The following HMG20A variants were observed in gnomAD, a reference collection of about 807,000 sequenced individuals.
HMG20A encodes the protein high mobility group 20A.
In HMG20A, 17 loss-of-function variants were observed where a neutral mutation model predicts 43.9. The ratio of observed to expected loss-of-function variants is 0.39; its 90% confidence interval spans 0.27 to 0.58. The LOEUF (loss-of-function observed/expected upper bound fraction) is 0.58, where lower values mean the gene tolerates loss of function less well. HMG20A is among the 20% of genes least tolerant of loss of function. The pLI is 0.59. For missense variants in HMG20A, 341 were observed against 438.2 expected (o/e 0.78, Z 1.98); for synonymous variants, 132 against 147.5 (o/e 0.89, Z 0.76).
At chr15:77,448,076 A>G (rs750826041) in intron 1 of HMG20A, among the ~76,000 whole-genome samples, 4 of 152,200 alleles carry the variant, frequency 2.6e-5, no homozygotes, top group Non-Finnish European at 4.4e-5. Context: ...TACCTTCAAA[A>G]TATATTAAGA....
At chr15:77,429,697 C>T (rs2073464460) in intron 1 of HMG20A, among the ~76,000 whole-genome samples, 2 of 152,078 alleles carry the variant, frequency 1.3e-5, no homozygotes, top group African/African-American at 4.8e-5. Context: ...AACTTGAAAC[C>T]TTCTAAATAT....
At chr15:77,479,368 A>G in intron 9 of HMG20A, 47 bp downstream of exon 9, 1 of 1,569,914 alleles carries the variant, frequency 6.4e-7, no homozygotes, top group Non-Finnish European at 8.7e-7. Flanking sequence ...ATCATCAAAA[A>G]TAAGATGTCA....
intron 1 of HMG20A, chr15:77,447,752 T>G (rs181889927): frequency 4.6e-5 from 7 of 152,320 alleles, no homozygotes; most frequent in African/African-American, 1.7e-4. Flanking sequence ...ACTGTAAAAT[T>G]CTATAAAGCA....
At chr15:77,500,646 G>C in the HMG20A span, among the ~76,000 whole-genome samples, 1 of 149,904 alleles carries the variant, frequency 6.7e-6, no homozygotes, top group South Asian at 2.1e-4. Flanking sequence ...TTGGCTCACT[G>C]CAACCTCCGC....
At chr15:77,475,957 C>T (rs1269559838) in intron 6 of HMG20A, among the ~76,000 whole-genome samples, 1 of 152,148 alleles carries the variant, frequency 6.6e-6, no homozygotes, top group East Asian at 1.9e-4. Flanking sequence ...ACTTTGCTTT[C>T]TTTTGTTAGG....
chr15:77,475,411 A>G (rs979424463), intron 6 of HMG20A, among the ~76,000 whole-genome samples: 1 of 152,234 alleles, frequency 6.6e-6, no homozygotes, highest in East Asian at 1.9e-4. Context: ...CTGCCCTTAC[A>G]TAATTAGCTT....
chr15:77,484,392 G>C lies in HMG20A; in HGVS notation c.*1429G>C, dbSNP rs1159724101. The C allele has an allele frequency of 6.6e-6, 1 of 152,572 alleles. No individual in the cohort carries two copies. Among genetic ancestry groups the C allele is most frequent in the Non-Finnish European group, 1.5e-5 (1 of 68,076 alleles). 9.5% of individuals were successfully genotyped at this position (152,572 alleles called of 1,614,324 possible). The stretch of plus-strand genomic sequence containing the variant: ...CTAAAGGTTACAGCTGAGATCTTTG[G>C]AACCAAAGGCAGAGCAAGCAGAGCC... On this transcript the variant is annotated 3_prime_UTR_variant, in exon 10 of 10. Transcript: ENST00000336216.
At chr15:77,479,904 A>T (rs1280552162) in intron 9 of HMG20A, among the ~76,000 whole-genome samples, 1 of 152,212 alleles carries the variant, frequency 6.6e-6, no homozygotes, top group African/African-American at 2.4e-5. Context: ...AAGCTTTTAT[A>T]TTCACCACTC....
the HMG20A span, among the ~76,000 whole-genome samples, chr15:77,507,945 G>T: frequency 2.1e-4 from 32 of 151,808 alleles, no homozygotes; most frequent in Admixed American, 9.2e-4. Context: ...CTTGTCTTTG[G>T]GGGGGCCCAC....
the HMG20A span, among the ~76,000 whole-genome samples, chr15:77,518,605 C>G: frequency 6.6e-6 from 1 of 152,204 alleles, no homozygotes; most frequent in Non-Finnish European, 1.5e-5. Context: ...CGCATGGGCT[C>G]TAGGCATCTG....
chr15:77,454,295 G>T (rs1328042676), intron 1 of HMG20A, among the ~76,000 whole-genome samples: 2 of 152,054 alleles, frequency 1.3e-5, no homozygotes, highest in African/African-American at 2.4e-5. Context: ...TTCTAAAATT[G>T]GTTAGGGTGT....
chr15:77,478,200 G>C, intron 7 of HMG20A, 95 bp from the exon 8 acceptor site: 9 of 1,208,078 alleles, frequency 7.4e-6, no homozygotes, highest in Non-Finnish European at 1.1e-5. Context: ...AGCTAAATTA[G>C]AGGCAGCTAA....
the HMG20A span, among the ~76,000 whole-genome samples, chr15:77,509,861 T>C: frequency 8.6e-5 from 13 of 150,890 alleles, no homozygotes; most frequent in East Asian, 2.6e-3. Flanking sequence ...GAGCAGAGAT[T>C]GCACCACTGC....
At chr15:77,452,732 C>T (rs1337523496) in intron 1 of HMG20A, among the ~76,000 whole-genome samples, 1 of 148,408 alleles carries the variant, frequency 6.7e-6, no homozygotes, top group Non-Finnish European at 1.5e-5. Context: ...CACAAGCAAC[C>T]AAAGAAAAAA....
rs1209574141 is a variant in HMG20A at position 77,484,433 on chromosome 15, A to C, written c.*1470A>C. On this transcript the variant is annotated 3_prime_UTR_variant, in exon 10 of 10. Transcript: ENST00000336216. ...AAGCAGAGCCCGTTGTCTGGGCCCC[A>C]CACCACTGCAGGCAGGTGGATAGAA... 6.6e-6 allele frequency: 1 copy of C among 152,644 alleles called. No individual in the cohort carries two copies. The highest frequency in any genetic ancestry group is 2.4e-5 in the African/African-American group (1 of 41,426). 9.5% of individuals were successfully genotyped at this position (152,644 alleles called of 1,614,324 possible).
At chr15:77,495,014 A>T in the HMG20A span, among the ~76,000 whole-genome samples, 1 of 152,224 alleles carries the variant, frequency 6.6e-6, no homozygotes, top group Non-Finnish European at 1.5e-5. Context: ...GAAAGTGGTG[A>T]CCTTCAGCAT....
the HMG20A span, among the ~76,000 whole-genome samples, chr15:77,501,000 C>T: frequency 6.6e-6 from 1 of 152,212 alleles, no homozygotes; most frequent in African/African-American, 2.4e-5. Context: ...TTTTCCTGAT[C>T]CCCAAACTCA....
At chr15:77,475,729 G>A (rs1406394375) in intron 6 of HMG20A, among the ~76,000 whole-genome samples, 1 of 152,188 alleles carries the variant, frequency 6.6e-6, no homozygotes, top group Non-Finnish European at 1.5e-5. Flanking sequence ...TTTTCCTGCA[G>A]CAGCCCAGTA....
chr15:77,505,159 A>G, the HMG20A span, among the ~76,000 whole-genome samples: 1 of 152,182 alleles, frequency 6.6e-6, no homozygotes. Flanking sequence ...ACTGCCCACA[A>G]GTGCCCTTCC....
Sources: gnomAD v4.1 joint callset for allele counts (sites outside exome capture counted in the v4.1 genomes callset) on GRCh38, gnomAD v4.1.1 for gene constraint, MANE v1.5 for transcripts, NCBI Gene and HGNC (gene_info 2026-07-23, HGNC 2026-07-21) for gene names.